The following PLEKHH1 variants were observed in gnomAD, a reference collection of about 807,000 sequenced individuals.
PLEKHH1 encodes pleckstrin homology domain-containing family H member 1.
PLEKHH1 carries 104 observed loss-of-function variants against 160.0 expected under a neutral mutation model. That is an observed-to-expected ratio of 0.65 (90% CI 0.55 to 0.76). The LOEUF is 0.76. Ranked by LOEUF, PLEKHH1 falls within the 30% of genes least tolerant of loss-of-function variation. PLEKHH1 has a pLI of 0.00. For missense variants in PLEKHH1, 1,427 were observed against 1,724.1 expected (o/e 0.83, Z 3.05); for synonymous variants, 619 against 678.4 (o/e 0.91, Z 1.36).
At position 67,577,331 on chromosome 14, in the gene PLEKHH1, T is replaced by C; in HGVS notation, c.2491T>C (p.Cys831Arg). ...DSPLWRHPML[C>R]YSKDGLYASL... is the part of the protein sequence containing the mutation. Reference sequence around the variant, plus strand: ...GCCGCTCTGGAGGCACCCCATGCTGTGCTACAGCAAAGACGGCCTATACGC... The same window carrying C: ...GCCGCTCTGGAGGCACCCCATGCTGCGCTACAGCAAAGACGGCCTATACGC... Residue 831 changes from cysteine (C) to arginine (R), a missense_variant, in exon 18 of 29, where the codon TGC (cysteine) becomes CGC (arginine). By Grantham distance (180) the Cys-to-Arg change is radical. Around this residue, in one of 6 missense-constraint regions of PLEKHH1, gnomAD observed 436 missense variants for 607.5 expected, o/e 0.72. Coordinates refer to ENST00000329153, the MANE Select transcript of PLEKHH1 (RefSeq NM_020715.3). 6.3e-7 allele frequency: 1 copy of C among 1,579,722 alleles called. No individual in the cohort carries two copies. The highest frequency in any genetic ancestry group is 1.2e-5 in the South Asian group (1 of 85,800).
rs1292785718 is a variant in PLEKHH1, at chr14:67,589,192, C to G, written c.*1957C>G. On this transcript the variant is annotated 3_prime_UTR_variant, in exon 29 of 29. Coordinates refer to ENST00000329153, the MANE Select transcript of PLEKHH1 (RefSeq NM_020715.3). ...AAAGGAAGAGTAAACAAGAATGGAG[C>G]TGTGTTCACACTGAATTTGGGGTCA... The G allele has an allele frequency of 5.1e-6, 1 of 197,922 alleles. No homozygotes were observed. Among genetic ancestry groups the G allele is most frequent in the East Asian group, 1.9e-4 (1 of 5,398 alleles). 12.3% of individuals were successfully genotyped at this position (197,922 alleles called of 1,614,324 possible). A position where few individuals can be genotyped will look rare whatever the true frequency, so the allele number is the denominator to read the frequency against.
chr14:67,550,794 A>G (rs1013134672), intron 2 of PLEKHH1, among the ~76,000 whole-genome samples: 9 of 152,206 alleles, frequency 5.9e-5, no homozygotes, highest in African/African-American at 1.9e-4. Context: ...GGCTGACAGA[A>G]TGTACTCTGG....
chr14:67,559,986 A>G (rs1312542552), intron 5 of PLEKHH1, among the ~76,000 whole-genome samples: 4 of 152,162 alleles, frequency 2.6e-5, no homozygotes, highest in Non-Finnish European at 5.9e-5. Flanking sequence ...AAGCCCACAC[A>G]GGCCAGTGTC....
intron 23 of PLEKHH1, chr14:67,581,593 T>C (rs2140530588): frequency 5.9e-6 from 1 of 168,768 alleles, no homozygotes; most frequent in African/African-American, 2.4e-5. Flanking sequence ...TTTATGAGAG[T>C]GAAATTTTGT....
Position 67,579,747 on chromosome 14 carries a change from G to A in PLEKHH1, c.3054G>A (p.Thr1018=), listed in dbSNP as rs201153745. Residue 1018 remains threonine, a synonymous_variant, in exon 22 of 29, where the codon ACG becomes ACA. Transcript: ENST00000329153. ...YHVVGFDGSS[T]VDEFLQRLNQ... ...TGGTTGGTTTTGACGGCTCTTCCAC[G>A]GTTGATGAGTTCCTCCAGCGGCTGA... The A allele has an allele frequency of 3.7e-5, 60 of 1,612,850 alleles. No homozygotes were observed. Among genetic ancestry groups the A allele is most frequent in the Admixed American group, 1.7e-4 (10 of 59,894 alleles).
intron 2 of PLEKHH1, among the ~76,000 whole-genome samples, chr14:67,549,014 G>A (rs2034288343): frequency 6.6e-6 from 1 of 152,206 alleles, no homozygotes; most frequent in African/African-American, 2.4e-5. Context: ...TTCAGCTTAA[G>A]TGCCAGTTTC....
chr14:67,580,759 GA>G, intron 22 of PLEKHH1, 178 bp from the exon 23 acceptor site: 1 of 575,266 alleles, frequency 1.7e-6, no homozygotes. Flanking sequence ...CTCTGTTTGT[GA>G]GGGAGCTGCT....
Position 67,557,282 on chromosome 14 carries a change from A to C in PLEKHH1, c.203A>C (p.Glu68Ala). 6.2e-7 allele frequency: 1 copy of C among 1,613,768 alleles called. No individual in the cohort carries two copies. Among genetic ancestry groups the C allele is most frequent in the Non-Finnish European group, 8.5e-7 (1 of 1,179,704 alleles). Residue 68 changes from glutamate to alanine, a missense_variant, in exon 4 of 29, where the codon GAA becomes GCA. Physicochemically the swap from Glu to Ala is moderately radical, Grantham distance 107. Around this residue, in one of 6 missense-constraint regions of PLEKHH1, gnomAD observed 831 missense variants for 929.2 expected, o/e 0.89. Transcript: ENST00000329153. The part of the protein sequence containing the change: ...ENAETQVGVM[E>A]EKVKLSNLKN... ...TGTACTTTTCAGGTGGGTGTCATGGAAGAGAAGGTAAAACTATCCAATCTG... is the reference window on the plus strand; with the variant it reads ...TGTACTTTTCAGGTGGGTGTCATGGCAGAGAAGGTAAAACTATCCAATCTG...
chr14:67,536,147 T>C (rs565624248), intron 1 of PLEKHH1, among the ~76,000 whole-genome samples: 1 of 148,998 alleles, frequency 6.7e-6, no homozygotes, highest in South Asian at 2.1e-4. Context: ...GGTATTGAGG[T>C]TCCTGCGGCC....
At position 67,569,235 on chromosome 14, in the gene PLEKHH1, T is replaced by C; in HGVS notation, c.1342+19T>C. 6.3e-7 allele frequency: 1 copy of C among 1,584,820 alleles called. No individual in the cohort carries two copies. The highest frequency in any genetic ancestry group is 2.2e-5 in the East Asian group (1 of 44,746). On this transcript the variant is annotated intron_variant, in intron 8 of 28. Transcript: ENST00000329153. ...TGCTGCGGTGAGTTCCAAGTGAGGC[T>C]TGGAGGCACCAAACACCCAAGGTGG...
chr14:67,559,734 T>G (rs890224622), intron 5 of PLEKHH1, 43 bp downstream of exon 5: 1 of 1,364,216 alleles, frequency 7.3e-7, no homozygotes, highest in African/African-American at 1.4e-5. Context: ...GAGGCATGGC[T>G]GGGCCTGCCC....
At position 67,585,982 on chromosome 14, in the gene PLEKHH1, TGAC is replaced by T; in HGVS notation, c.3819_3821del (p.Thr1275del). On this transcript the variant is annotated inframe_deletion, in exon 28 of 29. Coordinates refer to ENST00000329153, the MANE Select transcript of PLEKHH1 (RefSeq NM_020715.3). Reference sequence around the variant, plus strand: ...CACATCACTTACCCCTACTCTTCAGTGACAACGTTTGGTGGCTGCAGGGATGAC... The same window carrying T: ...CACATCACTTACCCCTACTCTTCAGTAACGTTTGGTGGCTGCAGGGATGAC... 1 of 1,613,868 alleles carries T rather than the reference TGAC, an allele frequency of 6.2e-7. No homozygotes were observed. The highest frequency in any genetic ancestry group is 8.5e-7 in the Non-Finnish European group (1 of 1,179,798).
chr14:67,571,142 T>C (rs1223414366), intron 9 of PLEKHH1: 1 of 152,748 alleles, frequency 6.5e-6, no homozygotes, highest in Non-Finnish European at 1.5e-5. Flanking sequence ...CTAAAATGAA[T>C]GTTGCCATGA....
At chr14:67,564,675 A>AT (rs201353537) in intron 7 of PLEKHH1, among the ~76,000 whole-genome samples, 108 of 132,632 alleles carry the variant, frequency 8.1e-4, no homozygotes, top group East Asian at 4.1e-3. Flanking sequence ...CCAGGCTGAC[A>AT]TTTTTTTTTT....
At position 67,579,823 on chromosome 14, in the gene PLEKHH1, A is replaced by G. The variant is rs761559845; in HGVS notation, c.3130A>G (p.Thr1044Ala). Residue 1044 changes from threonine to alanine, a missense_variant, in exon 22 of 29, where the codon ACG becomes GCG. By Grantham distance (58) the Thr-to-Ala change is moderately conservative. This residue lies in a region of PLEKHH1 where 436 missense variants were observed against 607.5 expected (regional missense o/e 0.72). Coordinates refer to ENST00000329153, the MANE Select transcript of PLEKHH1 (RefSeq NM_020715.3). ...KPSHSGFALF[T>A]DDPSGRDLEH... Reference sequence around the variant, plus strand: ...ATCCCACTCTGGCTTTGCCCTCTTCACGGACGATCCCTCGGGCAGGGACCT... The same window carrying G: ...ATCCCACTCTGGCTTTGCCCTCTTCGCGGACGATCCCTCGGGCAGGGACCT... 1 of 1,609,542 alleles carries G rather than the reference A, an allele frequency of 6.2e-7. No homozygotes were observed. The highest frequency in any genetic ancestry group is 1.7e-5 in the Admixed American group (1 of 59,508).
intron 26 of PLEKHH1, 123 bp downstream of exon 26, chr14:67,584,247 C>T (rs921026696): frequency 1.1e-6 from 1 of 940,974 alleles, no homozygotes; most frequent in Non-Finnish European, 1.6e-6. Flanking sequence ...ACTATCCCTC[C>T]ACTGTTTCTG....
intron 1 of PLEKHH1, among the ~76,000 whole-genome samples, chr14:67,540,625 C>CAA (rs61700275): frequency 0.097 from 11,912 of 123,080 alleles, 584 homozygotes; most frequent in Middle Eastern, 0.15. Flanking sequence ...GACTCTCCCT[C>CAA]AAAAAAAAAA....
chr14:67,553,951 G>T (rs1022539351), intron 2 of PLEKHH1, among the ~76,000 whole-genome samples: 1 of 152,202 alleles, frequency 6.6e-6, no homozygotes, highest in African/African-American at 2.4e-5. Flanking sequence ...GCTTGAACAC[G>T]TGAATGCCTG....
chr14:67,539,885 G>A (rs143854059), intron 1 of PLEKHH1, among the ~76,000 whole-genome samples: 50 of 152,256 alleles, frequency 3.3e-4, no homozygotes, highest in African/African-American at 1.1e-3. Flanking sequence ...CACATGCCTG[G>A]CATACAATAA....
Sources: gnomAD v4.1 joint callset for allele counts (sites outside exome capture counted in the v4.1 genomes callset) on GRCh38, gnomAD v4.1.1 for gene constraint, gnomAD v4.1.1 regional missense constraint, MANE v1.5 for transcripts, NCBI Gene and HGNC (gene_info 2026-07-23, HGNC 2026-07-21) for gene names.